The following ZSCAN25 variants were observed in gnomAD, a reference collection of about 807,000 sequenced individuals.
ZSCAN25 encodes the protein zinc finger and SCAN domain containing 25, also known as zinc finger and SCAN domain-containing protein 25.
Under a neutral mutation model 38.7 loss-of-function variants are expected in ZSCAN25, and 27 were observed. The observed-to-expected ratio is 0.70, with a 90% CI of 0.51 to 0.96. The LOEUF is 0.96. Among genes scored for constraint, ZSCAN25 ranks in the 40% least tolerant of loss-of-function variants. The probability of loss-of-function intolerance (pLI) is 0.00; values close to 1 mark genes in which losing one functional copy is unlikely to be tolerated. For missense variants in ZSCAN25, 637 were observed against 705.9 expected (o/e 0.90, Z 1.11); for synonymous variants, 273 against 277.7 (o/e 0.98, Z 0.17).
the ZSCAN25 span, chr7:99,666,792 G>A: frequency 6.3e-7 from 1 of 1,596,168 alleles, no homozygotes; most frequent in Non-Finnish European, 8.5e-7. Context: ...ATTTTGTAAT[G>A]AATTTTGTGA....
chr7:99,711,145 C>A, the ZSCAN25 span, among the ~76,000 whole-genome samples: 12 of 152,302 alleles, frequency 7.9e-5, no homozygotes, highest in African/African-American at 2.9e-4. Context: ...GCCATCCCTG[C>A]CACCTTCACA....
At chr7:99,730,824 A>T in the ZSCAN25 span, 1 of 504,866 alleles carries the variant, frequency 2.0e-6, no homozygotes, top group Admixed American at 3.2e-5. Context: ...TGTGAACATC[A>T]GATTGCTGGA....
At chr7:99,636,046 CAAAAAAAAAA>C (rs780898445), downstream of ZSCAN25, among the ~76,000 whole-genome samples, 11 of 43,402 alleles carry the variant, frequency 2.5e-4, no homozygotes, top group Non-Finnish European at 4.3e-4. Context: ...GACTCCATCT[CAAAAAAAAAA>C]AAAAAAAAAA....
the ZSCAN25 span, among the ~76,000 whole-genome samples, chr7:99,705,883 A>C: frequency 6.6e-6 from 1 of 152,192 alleles, no homozygotes; most frequent in Non-Finnish European, 1.5e-5. Context: ...TTTTGATTTA[A>C]ATTTTAACGA....
chr7:99,644,169 T>C, the ZSCAN25 span, among the ~76,000 whole-genome samples: 1 of 152,120 alleles, frequency 6.6e-6, no homozygotes, highest in Non-Finnish European at 1.5e-5. Context: ...TTGTACTGAG[T>C]CATTGTTTTA....
the ZSCAN25 span, among the ~76,000 whole-genome samples, chr7:99,728,843 T>A: frequency 3.3e-5 from 5 of 152,176 alleles, no homozygotes; most frequent in Non-Finnish European, 5.9e-5. Context: ...CTGTAGCCTT[T>A]CTAATGACTT....
the ZSCAN25 span, chr7:99,676,637 T>A: frequency 1.0e-6 from 1 of 992,798 alleles, no homozygotes; most frequent in Non-Finnish European, 1.4e-6. Flanking sequence ...TTTGCATCAC[T>A]GTATGCACTC....
At chr7:99,719,901 G>A in the ZSCAN25 span, among the ~76,000 whole-genome samples, 1 of 152,192 alleles carries the variant, frequency 6.6e-6, no homozygotes, top group Non-Finnish European at 1.5e-5. Flanking sequence ...GGAGGTGGAG[G>A]CAGAAGAATC....
rs1403458053 is a variant in ZSCAN25, at chr7:99,621,460, G to T, written c.475G>T (p.Val159Phe). The T allele has an allele frequency of 1.3e-6, 2 of 1,570,062 alleles. No homozygotes were observed. The highest frequency in any genetic ancestry group is 8.7e-7 in the Non-Finnish European group (1 of 1,153,664). The change falls in exon 5 of 8, where the codon GTC (valine) becomes TTC (phenylalanine). Residue 159 changes from valine (V) to phenylalanine (F), a missense_variant. Transcript: ENST00000394152. ...AGGCATCCAGCTGGGGCCAGTGGAG[G>T]TCAAGCCTGAATGGGGGATGCCCCC... The part of the protein sequence containing the change: ...EPGIQLGPVE[V>F]KPEWGMPPGE...
the ZSCAN25 span, among the ~76,000 whole-genome samples, chr7:99,690,726 A>G: frequency 6.6e-6 from 1 of 152,122 alleles, no homozygotes; most frequent in South Asian, 2.1e-4. Context: ...AGAAATGCAA[A>G]TCAAAACCAC....
the ZSCAN25 span, among the ~76,000 whole-genome samples, chr7:99,681,396 T>A: frequency 6.6e-6 from 1 of 152,230 alleles, no homozygotes; most frequent in African/African-American, 2.4e-5. Flanking sequence ...TCCAAATTGT[T>A]CTCTATAGTG....
the ZSCAN25 span, among the ~76,000 whole-genome samples, chr7:99,684,444 A>C: frequency 6.6e-6 from 1 of 152,198 alleles, no homozygotes; most frequent in Non-Finnish European, 1.5e-5. Context: ...CTGGGATTAC[A>C]GGCATGAGCC....
intron 6 of ZSCAN25, among the ~76,000 whole-genome samples, chr7:99,623,831 G>A (rs1462993907): frequency 1.3e-5 from 2 of 152,330 alleles, no homozygotes. Flanking sequence ...CAAGCATGAG[G>A]TGTGAGTGGG....
At chr7:99,626,592 A>G (rs1199790366) in intron 7 of ZSCAN25, among the ~76,000 whole-genome samples, 1 of 152,170 alleles carries the variant, frequency 6.6e-6, no homozygotes, top group Non-Finnish European at 1.5e-5. Flanking sequence ...GATCCTGGCT[A>G]AGGGCCTGGA....
At chr7:99,666,636 C>T in the ZSCAN25 span, 1 of 1,613,908 alleles carries the variant, frequency 6.2e-7, no homozygotes, top group Non-Finnish European at 8.5e-7. Context: ...TCTCTGCTTC[C>T]CGCCTCAAGT....
the ZSCAN25 span, among the ~76,000 whole-genome samples, chr7:99,701,282 C>A: frequency 6.6e-6 from 1 of 152,298 alleles, no homozygotes; most frequent in East Asian, 1.9e-4. Context: ...AGGACAGGAT[C>A]TCATGCTTTT....
downstream of ZSCAN25, among the ~76,000 whole-genome samples, chr7:99,634,866 C>T (rs982417285): frequency 8.5e-5 from 13 of 152,070 alleles, no homozygotes; most frequent in Admixed American, 1.3e-4. Flanking sequence ...CACTTGAACC[C>T]GGGGGGCGGA....
chr7:99,725,949 C>T, the ZSCAN25 span, among the ~76,000 whole-genome samples: 2 of 152,144 alleles, frequency 1.3e-5, no homozygotes, highest in East Asian at 3.9e-4. Context: ...CTTAAAACTC[C>T]CCAACTTTGG....
chr7:99,629,821 C>T lies in ZSCAN25; in HGVS notation c.1436C>T (p.Ala479Val). ...GCCAATCTGGCGGTGCACCGGCGTG[C>T]CCACACTGGCGAGAAGCCATATGGG... ...RNANLAVHRR[A>V]HTGEKPYGCQ... Residue 479 changes from alanine (A) to valine (V), a missense_variant, in exon 8 of 8, where the codon GCC becomes GTC. Ala to Val is a moderately conservative substitution (Grantham distance 64). Coordinates refer to ENST00000394152, the MANE Select transcript of ZSCAN25 (RefSeq NM_145115.3). The surrounding 1 kb of genome is among the most constrained non-coding windows in gnomAD (Gnocchi z 5.6). 1 of 1,614,180 alleles carries T rather than the reference C, an allele frequency of 6.2e-7. No homozygotes were observed. The highest frequency in any genetic ancestry group is 8.5e-7 in the Non-Finnish European group (1 of 1,180,012).
Sources: gnomAD v4.1 joint callset for allele counts (sites outside exome capture counted in the v4.1 genomes callset) on GRCh38, gnomAD v4.1.1 for gene constraint, Gnocchi (gnomAD v3.1) non-coding constraint, MANE v1.5 for transcripts, NCBI Gene and HGNC (gene_info 2026-07-23, HGNC 2026-07-21) for gene names.